SLC24A2: variants seen among roughly 807,000 people sequenced by gnomAD.
SLC24A2 encodes the protein sodium/potassium/calcium exchanger 2.
Under a neutral mutation model 62.0 loss-of-function variants are expected in SLC24A2, and 36 were observed. The observed-to-expected ratio is 0.58, with a 90% CI of 0.44 to 0.77. The LOEUF (loss-of-function observed/expected upper bound fraction) is 0.77. Among genes scored for constraint, SLC24A2 ranks in the 30% least tolerant of loss-of-function variants. The probability of loss-of-function intolerance (pLI) is 0.00; values close to 1 mark genes in which losing one functional copy is unlikely to be tolerated. For synonymous variants in SLC24A2, 358 were observed against 294.0 expected, an observed-to-expected ratio of 1.22 and a Z score of -2.23; for missense variants, 846 against 817.9, an observed-to-expected ratio of 1.03 and a Z score of -0.42.
chr9:20,207,295 T>A, the SLC24A2 span, among the ~76,000 whole-genome samples: 2 of 152,180 alleles, frequency 1.3e-5, no homozygotes, highest in Non-Finnish European at 2.9e-5. Context: ...CACATGCCTT[T>A]TAAGCTTATC....
At chr9:20,053,118 A>G in the SLC24A2 span, among the ~76,000 whole-genome samples, 1 of 152,198 alleles carries the variant, frequency 6.6e-6, no homozygotes, top group African/African-American at 2.4e-5. Context: ...TGTCTCTAAT[A>G]TTCTAGTTAG....
At chr9:19,592,799 A>C (rs1345130457) in intron 5 of SLC24A2, among the ~76,000 whole-genome samples, 1 of 152,246 alleles carries the variant, frequency 6.6e-6, no homozygotes, top group Non-Finnish European at 1.5e-5. Context: ...CAGATGAGAA[A>C]TAAGCTATGC....
chr9:20,243,024 C>A, the SLC24A2 span, among the ~76,000 whole-genome samples: 3 of 152,252 alleles, frequency 2.0e-5, no homozygotes, highest in East Asian at 5.8e-4. Context: ...AATAACCCAG[C>A]AGTGTTTTAT....
the SLC24A2 span, among the ~76,000 whole-genome samples, chr9:20,181,245 T>A: frequency 6.7e-6 from 1 of 148,240 alleles, no homozygotes; most frequent in Non-Finnish European, 1.5e-5. Context: ...AGTTTTCTCA[T>A]CTGAAAAAAA....
the SLC24A2 span, among the ~76,000 whole-genome samples, chr9:20,112,151 C>T: frequency 2.0e-5 from 3 of 152,100 alleles, no homozygotes; most frequent in African/African-American, 7.2e-5. Context: ...ATTGATTTTT[C>T]TATCTCTGCA....
the SLC24A2 span, among the ~76,000 whole-genome samples, chr9:19,799,398 C>A: frequency 6.6e-6 from 1 of 152,140 alleles, no homozygotes; most frequent in East Asian, 1.9e-4. Context: ...TCAACGCCTG[C>A]CACGTTCTGT....
At chr9:19,822,373 A>G in the SLC24A2 span, among the ~76,000 whole-genome samples, 2 of 152,106 alleles carry the variant, frequency 1.3e-5, no homozygotes, top group Admixed American at 1.3e-4. Context: ...TGATGATAGG[A>G]ATCTTTTCAG....
At chr9:20,027,853 C>T in the SLC24A2 span, among the ~76,000 whole-genome samples, 26 of 152,250 alleles carry the variant, frequency 1.7e-4, 1 homozygote, top group South Asian at 5.2e-3. Context: ...ATAACCACTA[C>T]TCAATGTATA....
At chr9:19,685,394 G>T (rs550693141) in intron 2 of SLC24A2, among the ~76,000 whole-genome samples, 1 of 152,180 alleles carries the variant, frequency 6.6e-6, no homozygotes, top group South Asian at 2.1e-4. Context: ...ATTCTTCACA[G>T]AATTAGAAAA....
At chr9:19,669,343 G>A (rs952478190) in intron 2 of SLC24A2, among the ~76,000 whole-genome samples, 2 of 152,126 alleles carry the variant, frequency 1.3e-5, no homozygotes, top group Admixed American at 6.6e-5. Flanking sequence ...ATTCACATAA[G>A]TGGTCAGAAC....
At chr9:20,143,906 A>G in the SLC24A2 span, among the ~76,000 whole-genome samples, 1 of 152,308 alleles carries the variant, frequency 6.6e-6, no homozygotes, top group African/African-American at 2.4e-5. Context: ...AATTCACTCA[A>G]CACTGCCGTG....
At chr9:19,612,779 A>C (rs1270505764) in intron 4 of SLC24A2, among the ~76,000 whole-genome samples, 1 of 152,176 alleles carries the variant, frequency 6.6e-6, no homozygotes, top group East Asian at 1.9e-4. Context: ...CAGGAGGCTG[A>C]GGTGGGAGGA....
chr9:19,679,690 T>C (rs529514846), intron 2 of SLC24A2, among the ~76,000 whole-genome samples: 1 of 152,302 alleles, frequency 6.6e-6, no homozygotes, highest in South Asian at 2.1e-4. Flanking sequence ...CCATTGGTCA[T>C]TGATGCTCCT....
the SLC24A2 span, among the ~76,000 whole-genome samples, chr9:20,114,286 A>G: frequency 6.6e-6 from 1 of 152,158 alleles, no homozygotes; most frequent in South Asian, 2.1e-4. Context: ...ACACAGGGCC[A>G]GGAAAAGTCT....
intron 2 of SLC24A2, among the ~76,000 whole-genome samples, chr9:19,631,286 G>A (rs137883771): frequency 6.6e-6 from 1 of 152,270 alleles, no homozygotes; most frequent in East Asian, 1.9e-4. Context: ...GTCCAACACT[G>A]AATTGTGTCA....
the SLC24A2 span, among the ~76,000 whole-genome samples, chr9:19,860,090 G>A: frequency 6.6e-6 from 1 of 152,168 alleles, no homozygotes; most frequent in South Asian, 2.1e-4. Flanking sequence ...GGGGGAGCAT[G>A]TGACCTACTG....
chr9:19,999,510 C>T, the SLC24A2 span, among the ~76,000 whole-genome samples: 1 of 152,186 alleles, frequency 6.6e-6, no homozygotes. Flanking sequence ...TAATGATTTA[C>T]AATAAATACT....
the SLC24A2 span, among the ~76,000 whole-genome samples, chr9:20,085,331 G>A: frequency 6.6e-6 from 1 of 152,060 alleles, no homozygotes; most frequent in South Asian, 2.1e-4. Flanking sequence ...TTAGCTTAAG[G>A]CTTTAATTAT....
At chr9:20,052,023 A>T in the SLC24A2 span, among the ~76,000 whole-genome samples, 1 of 152,214 alleles carries the variant, frequency 6.6e-6, no homozygotes, top group Non-Finnish European at 1.5e-5. Flanking sequence ...TGCTTAAAAT[A>T]GTTCCCGGAA....
Sources: gnomAD v4.1 joint callset for allele counts (sites outside exome capture counted in the v4.1 genomes callset) on GRCh38, gnomAD v4.1.1 for gene constraint, MANE v1.5 for transcripts, NCBI Gene and HGNC (gene_info 2026-07-23, HGNC 2026-07-21) for gene names.